The following APBA2 variants were observed in gnomAD, a reference collection of about 807,000 sequenced individuals.
APBA2 encodes the protein amyloid beta precursor protein binding family A member 2, also known as amyloid-beta A4 precursor protein-binding family A member 2.
Under a neutral mutation model 75.0 loss-of-function variants are expected in APBA2, and 30 were observed. That is an observed-to-expected ratio of 0.40 (90% CI 0.30 to 0.54). APBA2 has a LOEUF of 0.54. Among genes scored for constraint, APBA2 ranks in the 20% least tolerant of loss-of-function variants. The pLI is 0.49. For missense variants in APBA2, 801 were observed against 1,016.1 expected (o/e 0.79, Z 2.88); for synonymous variants, 444 against 409.6 (o/e 1.08, Z -1.01).
intron 4 of APBA2, among the ~76,000 whole-genome samples, chr15:29,057,718 A>G (rs8042819): frequency 1.3e-5 from 2 of 152,202 alleles, no homozygotes; most frequent in African/African-American, 4.8e-5. Context: ...GCTGTATAAC[A>G]TATTTCTCTG....
chr15:28,959,257 G>A (rs2152734822), intron 2 of APBA2, among the ~76,000 whole-genome samples: 1 of 152,318 alleles, frequency 6.6e-6, no homozygotes. Flanking sequence ...AAAGTGCTGG[G>A]ATTACAGGCA....
At chr15:28,954,055 C>T (rs903352533) in intron 2 of APBA2, among the ~76,000 whole-genome samples, 1 of 152,162 alleles carries the variant, frequency 6.6e-6, no homozygotes, top group Non-Finnish European at 1.5e-5. Context: ...TAAATGGCAG[C>T]TCCATGCTTC....
chr15:29,039,101 GT>G (rs1566934675), intron 3 of APBA2, among the ~76,000 whole-genome samples: 60 of 28,686 alleles, frequency 2.1e-3, no homozygotes, highest in African/African-American at 0.012. Flanking sequence ...ATGTCAGGGT[GT>G]GTGTGTGTGT....
rs199963564 is a variant in APBA2 at position 29,054,309 on chromosome 15, C to T, written c.425C>T (p.Thr142Met). The T allele has an allele frequency of 1.1e-4, 175 of 1,614,044 alleles. No individual in the cohort carries two copies. The East Asian group carries it at 2.7e-3, about 25-fold the overall frequency. ...TGCCAGGAGGCGGTGGAGGAGTGGA[C>T]GGACTCGGCGGGCCCGCACCCCCAC... is the stretch of plus-strand genomic sequence containing the variant. ...DECQEAVEEW[T>M]DSAGPHPHGH... Residue 142 changes from threonine (T) to methionine (M), a missense_variant, in exon 4 of 15, where the codon ACG becomes ATG. By Grantham distance (81) the Thr-to-Met change is moderately conservative (BLOSUM62 -1). Coordinates refer to ENST00000683413, the MANE Select transcript of APBA2 (RefSeq NM_001353788.2). This position sits in a 1 kb window ranked among gnomAD's most constrained non-coding sequence, Gnocchi z 6.1.
chr15:29,045,409 G>T (rs1024434176), intron 3 of APBA2, among the ~76,000 whole-genome samples: 3 of 151,760 alleles, frequency 2.0e-5, no homozygotes, highest in Admixed American at 1.3e-4. Flanking sequence ...TTTCATAAGG[G>T]CACAGTCCCA....
chr15:29,037,240 T>G (rs1049327944), intron 3 of APBA2, among the ~76,000 whole-genome samples: 3 of 152,152 alleles, frequency 2.0e-5, no homozygotes, highest in African/African-American at 7.2e-5. Flanking sequence ...AATTTCATGT[T>G]TACCCTTTTA....
intron 3 of APBA2, among the ~76,000 whole-genome samples, chr15:29,019,389 G>A (rs116622373): frequency 2.0e-5 from 3 of 152,224 alleles, no homozygotes; most frequent in African/African-American, 4.8e-5. Context: ...CTGAAGAATT[G>A]TGCAACACAG....
chr15:29,073,636 G>A (rs935621799), intron 4 of APBA2, among the ~76,000 whole-genome samples: 39 of 152,362 alleles, frequency 2.6e-4, no homozygotes, highest in Non-Finnish European at 4.7e-4. Flanking sequence ...ACAGGCGTGA[G>A]CCACTGTGCC....
At chr15:29,063,239 A>G (rs56233931) in intron 4 of APBA2, among the ~76,000 whole-genome samples, 165 of 36,052 alleles carry the variant, frequency 4.6e-3, no homozygotes, top group Middle Eastern at 0.023. Context: ...CTGTATGGGT[A>G]GGGAGGGAAG....
chr15:29,101,139 C>A (rs1430335719), intron 9 of APBA2, among the ~76,000 whole-genome samples: 1 of 151,910 alleles, frequency 6.6e-6, no homozygotes, highest in Admixed American at 6.5e-5. Flanking sequence ...GTGCACATGA[C>A]AGCCCTCCAC....
At chr15:29,013,482 C>T (rs900436041) in intron 3 of APBA2, among the ~76,000 whole-genome samples, 1 of 152,018 alleles carries the variant, frequency 6.6e-6, no homozygotes, top group African/African-American at 2.4e-5. Context: ...GGGGTTTCAC[C>T]GTGTTAGCCA....
At chr15:28,894,453 C>A (rs968331566) in intron 1 of APBA2, among the ~76,000 whole-genome samples, 3 of 152,120 alleles carry the variant, frequency 2.0e-5, no homozygotes, top group Admixed American at 6.5e-5. Flanking sequence ...GATGTGAGAG[C>A]CCCATGGTAG....
chr15:29,113,673 C>T (rs1225114307), intron 13 of APBA2, among the ~76,000 whole-genome samples: 2 of 152,294 alleles, frequency 1.3e-5, no homozygotes, highest in Admixed American at 1.3e-4. Context: ...TGGTGGTTCC[C>T]CACACACCAT....
chr15:28,991,978 G>T lies in APBA2; in HGVS notation c.-94-3775G>T, dbSNP rs71469194. ...GCCATAGCTCTGGGGCCAGCTAGAG[G>T]AAGGAGTGTGATTGTGCCTTCCCGG... is the stretch of plus-strand genomic sequence containing the variant. On this transcript the variant is annotated intron_variant, in intron 2 of 14. Coordinates refer to ENST00000683413, the MANE Select transcript of APBA2 (RefSeq NM_001353788.2). The surrounding 1 kb of genome is among the most constrained non-coding windows in gnomAD (Gnocchi z 4.7). 6.6e-6 allele frequency among the ~76,000 whole-genome samples: 1 copy of T among 152,240 alleles called. No individual in the cohort carries two copies. Among genetic ancestry groups the T allele is most frequent in the Non-Finnish European group, 1.5e-5 (1 of 68,046 alleles).
At chr15:29,053,747 G>C in intron 3 of APBA2, 98 bp from the exon 4 acceptor site, 2 of 717,888 alleles carry the variant, frequency 2.8e-6, no homozygotes, top group Non-Finnish European at 4.6e-6. Flanking sequence ...ACATGGCTGC[G>C]GGAGGACGTG....
At chr15:28,889,716 A>C (rs1272923612) in intron 1 of APBA2, among the ~76,000 whole-genome samples, 2 of 152,182 alleles carry the variant, frequency 1.3e-5, no homozygotes, top group African/African-American at 4.8e-5. Flanking sequence ...CTCTTGCCTC[A>C]GGGCCTTTGC....
At chr15:28,914,073 C>T (rs2033558239) in intron 1 of APBA2, among the ~76,000 whole-genome samples, 1 of 152,224 alleles carries the variant, frequency 6.6e-6, no homozygotes, top group Admixed American at 6.5e-5. Context: ...TTTTAGTCTT[C>T]TATTGTGTCT....
chr15:29,112,854 C>T (rs561903504), intron 13 of APBA2, among the ~76,000 whole-genome samples: 77 of 152,298 alleles, frequency 5.1e-4, no homozygotes, highest in African/African-American at 1.8e-3. Flanking sequence ...TAAGCACCAC[C>T]GCCCATTTCT....
intron 4 of APBA2, among the ~76,000 whole-genome samples, chr15:29,064,023 G>C (rs1485345801): frequency 6.6e-6 from 1 of 152,124 alleles, no homozygotes; most frequent in East Asian, 1.9e-4. Flanking sequence ...TGCCCTGCTG[G>C]AGAAGTTCTC....
Sources: gnomAD v4.1 joint callset for allele counts (sites outside exome capture counted in the v4.1 genomes callset) on GRCh38, gnomAD v4.1.1 for gene constraint, Gnocchi (gnomAD v3.1) non-coding constraint, MANE v1.5 for transcripts, NCBI Gene and HGNC (gene_info 2026-07-23, HGNC 2026-07-21) for gene names.